RBPJ: variants seen among roughly 807,000 people sequenced by gnomAD.
RBPJ encodes recombining binding protein suppressor of hairless.
A neutral mutation model predicts 67.8 loss-of-function variants in RBPJ; 9 were observed. The ratio of observed to expected loss-of-function variants is 0.13; its 90% CI spans 0.08 to 0.23. The LOEUF is 0.23. Ranked by LOEUF, RBPJ falls within the 10% of genes least tolerant of loss-of-function variation. The probability of loss-of-function intolerance (pLI) is 1.00; values close to 1 mark genes in which losing one functional copy is unlikely to be tolerated. For missense variants in RBPJ, 305 were observed against 595.6 expected, an observed-to-expected ratio of 0.51 and a Z score of 5.08; for synonymous variants, 198 against 203.3, an observed-to-expected ratio of 0.97 and a Z score of 0.22.
At chr4:26,141,710 A>G in the RBPJ span, among the ~76,000 whole-genome samples, 2 of 152,182 alleles carry the variant, frequency 1.3e-5, no homozygotes, top group South Asian at 4.1e-4. Flanking sequence ...TGCTAACTAT[A>G]GTTACCCTAC....
chr4:26,261,396 A>T (rs1156240146), intron 1 of RBPJ, among the ~76,000 whole-genome samples: 2 of 152,176 alleles, frequency 1.3e-5, no homozygotes, highest in Non-Finnish European at 2.9e-5. Context: ...AAAATATGTT[A>T]TGCCAACCAA....
intron 5 of RBPJ, among the ~76,000 whole-genome samples, chr4:26,421,694 C>T (rs745462154): frequency 3.3e-5 from 5 of 152,144 alleles, no homozygotes; most frequent in South Asian, 2.1e-4. Flanking sequence ...TCACCACCAA[C>T]ACCTCTTCGT....
intron 1 of RBPJ, among the ~76,000 whole-genome samples, chr4:26,384,869 C>CCGCCTCT (rs1248463552): frequency 4.2e-5 from 2 of 47,652 alleles, no homozygotes; most frequent in East Asian, 1.7e-3. Flanking sequence ...CTCTCCCCTC[C>CCGCCTCT]CGCCTCTCGC....
intron 1 of RBPJ, among the ~76,000 whole-genome samples, chr4:26,382,633 C>A (rs960411495): frequency 6.6e-6 from 1 of 152,148 alleles, no homozygotes; most frequent in South Asian, 2.1e-4. Flanking sequence ...GCCTCCATTC[C>A]CAGGCTCAGG....
chr4:26,344,574 C>T (rs1725936738), intron 1 of RBPJ, among the ~76,000 whole-genome samples: 1 of 152,176 alleles, frequency 6.6e-6, no homozygotes, highest in Admixed American at 6.5e-5. Context: ...CTCAGAAAGA[C>T]ATCACCTGGA....
intron 1 of RBPJ, among the ~76,000 whole-genome samples, chr4:26,245,888 A>G (rs1719913656): frequency 1.3e-5 from 2 of 152,180 alleles, no homozygotes; most frequent in Admixed American, 6.5e-5. Flanking sequence ...ATCTAGGCTT[A>G]TTTCTGGACT....
rs145645441 is a variant in RBPJ at position 26,405,265 on chromosome 4, C to T, written c.60-910C>T. Among the ~76,000 whole-genome samples, 161 of 152,206 alleles carry T rather than the reference C, an allele frequency of 1.1e-3. 1 individual carries two copies. The highest frequency in any genetic ancestry group is 3.7e-3 in the African/African-American group (152 of 41,532). ...ACCTAGAAGTCCTCACATTTAATAA[C>T]GTATTACTATTGTATAGCTATGCTC... On this transcript the variant is annotated intron_variant, in intron 2 of 10. Transcript: ENST00000355476.
chr4:26,178,944 C>T (rs1201558080), intron 1 of RBPJ, among the ~76,000 whole-genome samples: 1 of 152,084 alleles, frequency 6.6e-6, no homozygotes, highest in African/African-American at 2.4e-5. Flanking sequence ...GGTTTGGAAG[C>T]CAAGGTTCCT....
At chr4:26,352,603 C>G (rs904765399) in intron 1 of RBPJ, among the ~76,000 whole-genome samples, 1 of 152,188 alleles carries the variant, frequency 6.6e-6, no homozygotes, top group East Asian at 1.9e-4. Context: ...AGCTTGAGAC[C>G]TAGGAAGGAG....
chr4:26,243,434 C>T (rs1719717332), intron 1 of RBPJ, among the ~76,000 whole-genome samples: 1 of 152,108 alleles, frequency 6.6e-6, no homozygotes, highest in South Asian at 2.1e-4. Context: ...TTGCTTGTAT[C>T]CACTATGGTG....
chr4:26,155,451 TTCAGA>T, the RBPJ span, among the ~76,000 whole-genome samples: 1 of 150,716 alleles, frequency 6.6e-6, no homozygotes, highest in Non-Finnish European at 1.5e-5. Flanking sequence ...TTTTTTTTTT[TTCAGA>T]CAGAGTCTTG....
rs147606639 is a variant in RBPJ at position 26,422,689 on chromosome 4, G to A, written c.497-1653G>A. 1.7e-3 allele frequency among the ~76,000 whole-genome samples: 257 copies of A among 151,968 alleles called. 2 individuals carry two copies. The highest frequency in any genetic ancestry group is 5.8e-3 in the African/African-American group (242 of 41,438). On this transcript the variant is annotated intron_variant, in intron 5 of 10. Transcript: ENST00000355476. ...ACTAATATCACTTAGTTTTTATTAC[G>A]GAAAAATTTCAAACACTCTCAAGTA...
At chr4:26,380,251 T>G (rs1255315854) in intron 1 of RBPJ, among the ~76,000 whole-genome samples, 1 of 152,238 alleles carries the variant, frequency 6.6e-6, no homozygotes, top group Non-Finnish European at 1.5e-5. Context: ...TCTGAATGTT[T>G]TGTTTTTATA....
intron 8 of RBPJ, among the ~76,000 whole-genome samples, chr4:26,429,218 G>A (rs1037612044): frequency 6.6e-6 from 1 of 152,210 alleles, no homozygotes; most frequent in Non-Finnish European, 1.5e-5. Context: ...ATTTTTCTGG[G>A]TGAAGGCTCA....
At chr4:26,298,018 T>A (rs1721943400) in intron 1 of RBPJ, among the ~76,000 whole-genome samples, 1 of 152,206 alleles carries the variant, frequency 6.6e-6, no homozygotes, top group South Asian at 2.1e-4. Context: ...AAAATGACAA[T>A]TAGCACAATC....
At chr4:26,327,542 G>GTTTTTT (rs11350013) in intron 1 of RBPJ, among the ~76,000 whole-genome samples, 550 of 104,810 alleles carry the variant, frequency 5.2e-3, no homozygotes, top group East Asian at 6.2e-3. Flanking sequence ...GACCCTGGAG[G>GTTTTTT]TTTTTTTTTT....
At chr4:26,339,424 A>C (rs1725256620) in intron 1 of RBPJ, among the ~76,000 whole-genome samples, 1 of 152,156 alleles carries the variant, frequency 6.6e-6, no homozygotes, top group South Asian at 2.1e-4. Flanking sequence ...ACTTGCGGTC[A>C]GGAGTTCGAG....
intron 1 of RBPJ, among the ~76,000 whole-genome samples, chr4:26,265,327 G>A (rs1032418757): frequency 3.2e-4 from 48 of 151,956 alleles, no homozygotes; most frequent in Admixed American, 3.1e-3. Flanking sequence ...TCAGGAGATC[G>A]AGACCAGCCT....
intron 1 of RBPJ, among the ~76,000 whole-genome samples, chr4:26,353,091 CA>C (rs1261832945): frequency 2.6e-5 from 4 of 152,190 alleles, no homozygotes; most frequent in Non-Finnish European, 5.9e-5. Context: ...CTACTTGCAA[CA>C]AAGAAAGGCA....
Sources: allele counts gnomAD v4.1 joint callset (sites outside exome capture counted in the v4.1 genomes callset), GRCh38; gene constraint gnomAD v4.1.1; transcripts MANE v1.5; gene names NCBI Gene and HGNC (gene_info 2026-07-23, HGNC 2026-07-21).